The following ECI1 variants were observed in gnomAD, a reference collection of about 807,000 sequenced individuals.
The protein encoded by ECI1 is enoyl-CoA delta isomerase 1, also known as enoyl-CoA delta isomerase 1, mitochondrial.
ECI1 carries 34 observed loss-of-function variants against 34.2 expected under a neutral mutation model. The ratio of observed to expected loss-of-function variants is 1.00; its 90% CI spans 0.76 to 1.33. The LOEUF (loss-of-function observed/expected upper bound fraction) is 1.33. Ranked by LOEUF, ECI1 falls within the 40% of genes most tolerant of loss-of-function variation. ECI1 has a pLI of 0.00. For missense variants in ECI1, 456 were observed against 422.2 expected, an observed-to-expected ratio of 1.08 and a Z score of -0.70; for synonymous variants, 211 against 193.0, an observed-to-expected ratio of 1.09 and a Z score of -0.77.
intron 6 of ECI1, chr16:2,241,787 G>C (rs1260851509): frequency 6.6e-6 from 1 of 151,490 alleles, no homozygotes; most frequent in African/African-American, 2.4e-5. Flanking sequence ...TGCCTCCCAA[G>C]TTCAAGCGAT....
chr16:2,239,535 C>T lies in ECI1; in HGVS notation c.*444G>A. On this transcript the variant is annotated 3_prime_UTR_variant, in exon 7 of 7. Transcript: ENST00000301729. ...CTCTGATTCACTGTGCGCTCTTCAT[C>T]CTGATGAGTAAGGGCAGTGACCAAA... 1 of 270,810 alleles carries T rather than the reference C, an allele frequency of 3.7e-6. No individual in the cohort carries two copies. The highest frequency in any genetic ancestry group is 7.3e-6 in the Non-Finnish European group (1 of 137,492). 16.8% of individuals were successfully genotyped at this position (270,810 alleles called of 1,614,324 possible). A position where few individuals can be genotyped will look rare whatever the true frequency, so the allele number is the denominator to read the frequency against.
Position 2,247,015 on chromosome 16 carries a change from CACACCTGGCACTGG to C in ECI1, c.167-43_167-30del, listed in dbSNP as rs752994056. 5 of 1,609,312 alleles carry C rather than the reference CACACCTGGCACTGG, an allele frequency of 3.1e-6. No individual in the cohort carries two copies. In the South Asian group the frequency reaches 4.4e-5, roughly 14 times the overall value. On this transcript the variant is annotated intron_variant, in intron 2 of 6. Transcript: ENST00000301729. ...ATTTAAAGAATGAGAAGAGAAAGCT[CACACCTGGCACTGG>C]AAAAGCAGCCTGACCAGCCTGCACC...
intron 2 of ECI1, 150 bp from the exon 3 acceptor site, chr16:2,247,136 A>G (rs563166293): frequency 2.9e-6 from 3 of 1,049,128 alleles, no homozygotes; most frequent in South Asian, 3.0e-5. Context: ...TCGCTCTGTC[A>G]CCCAGGCTGG....
intron 2 of ECI1, 119 bp downstream of exon 2, chr16:2,251,197 C>T (rs1466956761): frequency 2.1e-5 from 7 of 334,262 alleles, no homozygotes; most frequent in Admixed American, 5.6e-5. Context: ...TGTTTCGAAA[C>T]TTGGGTTCTA....
intron 2 of ECI1, among the ~76,000 whole-genome samples, chr16:2,248,713 C>T (rs554328736): frequency 9.9e-5 from 15 of 152,192 alleles, no homozygotes; most frequent in Non-Finnish European, 1.8e-4. Flanking sequence ...TGTGCCCAGC[C>T]TAAATTAGCC....
rs562081321 is a variant in ECI1, at chr16:2,247,054, C to G, written c.167-68G>C. The G allele has an allele frequency of 5.6e-5, 87 of 1,567,448 alleles. No individual in the cohort carries two copies. The African/African-American group carries it at 1.1e-3, about 20-fold the overall frequency. ...GAAAAGCAGCCTGACCAGCCTGCAC[C>G]CTCAACTAAGCCATGATAGCTGTGC... On this transcript the variant is annotated intron_variant, in intron 2 of 6. Transcript: ENST00000301729.
chr16:2,240,296 C>G (rs2093525091), intron 6 of ECI1, 151 bp from the exon 7 acceptor site: 2 of 793,120 alleles, frequency 2.5e-6, no homozygotes, highest in African/African-American at 1.7e-5. Context: ...ACTGCAACCT[C>G]CGCCTCCCGA....
intron 1 of ECI1, 37 bp from the exon 2 acceptor site, chr16:2,251,466 G>C (rs992829307): frequency 3.9e-6 from 6 of 1,536,746 alleles, no homozygotes; most frequent in Non-Finnish European, 5.2e-6. Flanking sequence ...TTAGTTCCCG[G>C]TCCTGGCCCC....
chr16:2,244,715 C>T (rs533910308), intron 3 of ECI1, among the ~76,000 whole-genome samples, 163 bp from the exon 4 acceptor site: 16 of 152,310 alleles, frequency 1.1e-4, no homozygotes, highest in East Asian at 5.8e-4. Context: ...TCCAGGGACT[C>T]GGCCAAGGCT....
At chr16:2,242,513 C>G (rs920420463) in intron 6 of ECI1, 1 of 164,452 alleles carries the variant, frequency 6.1e-6, no homozygotes, top group African/African-American at 2.4e-5. Flanking sequence ...AAGTGTGCCC[C>G]AAAAGATAGG....
At position 2,246,888 on chromosome 16, in the gene ECI1, T is replaced by C. The variant is rs577583578; in HGVS notation, c.265A>G (p.Lys89Glu). 2 of 1,613,500 alleles carry C rather than the reference T, an allele frequency of 1.2e-6. No individual in the cohort carries two copies. Among genetic ancestry groups the C allele is most frequent in the South Asian group, 2.2e-5 (2 of 91,048 alleles). The part of the protein sequence containing the change: ...VISLEKLEND[K>E]SFRGVILTSD... ...GTCAGAATGACACCGCGGAAGCTCTTGTCATTCTCCAGCTTCTCCAGGCTG... is the reference window on the plus strand; with the variant it reads ...GTCAGAATGACACCGCGGAAGCTCTCGTCATTCTCCAGCTTCTCCAGGCTG... Residue 89 changes from lysine to glutamate, a missense_variant, in exon 3 of 7, where the codon AAG (lysine) becomes GAG (glutamate). Physicochemically the swap from Lys to Glu is moderately conservative, Grantham distance 56. Coordinates refer to ENST00000301729, the MANE Select transcript of ECI1 (RefSeq NM_001919.4).
intron 3 of ECI1, 50 bp downstream of exon 3, chr16:2,246,809 A>T: frequency 6.2e-7 from 1 of 1,610,690 alleles, no homozygotes; most frequent in Non-Finnish European, 8.5e-7. Context: ...CACATCAGAG[A>T]ACTCAGGCCA....
At position 2,239,898 on chromosome 16, in the gene ECI1, T is replaced by C. The variant is rs1390004090; in HGVS notation, c.*81A>G. 8 of 1,466,096 alleles carry C rather than the reference T, an allele frequency of 5.5e-6. No individual in the cohort carries two copies. The African/African-American group carries it at 5.6e-5, about 10-fold the overall frequency. 90.8% of individuals were successfully genotyped at this position (1,466,096 alleles called of 1,614,324 possible). A position where few individuals can be genotyped will look rare whatever the true frequency, so the allele number is the denominator to read the frequency against. On this transcript the variant is annotated 3_prime_UTR_variant, in exon 7 of 7. Transcript: ENST00000301729. ...CAAAATGAAACGCTGGCAGTACTTT[T>C]AAGTTGAAAAATACCTTGTTTAAGA...
chr16:2,242,588 A>G (rs989141494), intron 6 of ECI1: 11 of 195,506 alleles, frequency 5.6e-5, no homozygotes, highest in Admixed American at 1.6e-4. Context: ...GTCTCTGCAG[A>G]TGTAATTAAG....
chr16:2,245,253 C>T (rs978917493), intron 3 of ECI1, among the ~76,000 whole-genome samples: 11 of 152,316 alleles, frequency 7.2e-5, no homozygotes, highest in South Asian at 2.1e-4. Context: ...GTTTTCCTCC[C>T]GAGGGCCAGA....
At chr16:2,240,173 A>C in intron 6 of ECI1, 28 bp from the exon 7 acceptor site, 1 of 1,611,694 alleles carries the variant, frequency 6.2e-7, no homozygotes, top group Non-Finnish European at 8.5e-7. Flanking sequence ...TGCCACTGAA[A>C]TCCCACTTTC....
chr16:2,243,890 A>G (rs1415950715), intron 4 of ECI1, among the ~76,000 whole-genome samples: 1 of 152,088 alleles, frequency 6.6e-6, no homozygotes, highest in East Asian at 1.9e-4. Flanking sequence ...GCAGGTACCC[A>G]CTGCCCCGCG....
Position 2,243,147 on chromosome 16 carries a change from G to A in ECI1, c.641C>T (p.Pro214Leu), listed in dbSNP as rs138574813. The A allele has an allele frequency of 4.4e-5, 71 of 1,606,744 alleles. No individual in the cohort carries two copies. The highest frequency in any genetic ancestry group is 4.0e-4 in the East Asian group (18 of 44,872). The change falls in exon 6 of 7, where the codon CCG becomes CTG. Residue 214 changes from proline to leucine, a missense_variant. Transcript: ENST00000301729. Reference sequence around the variant, plus strand: ...TATGCCCACCTGCAGGGCCTCCGCCGGCGGGAAGAGCAGCCCCAGCTGCAG... The same window carrying A: ...TATGCCCACCTGCAGGGCCTCCGCCAGCGGGAAGAGCAGCCCCAGCTGCAG... ...RALQLGLLFPPAEALQVGIVD... is the reference protein window; with the variant it reads ...RALQLGLLFPLAEALQVGIVD...
In ECI1 at chr16:2,251,572, C is replaced by T. The variant is rs2093554282; in HGVS notation, c.-6G>A. On this transcript the variant is annotated 5_prime_UTR_variant, in exon 1 of 7. Transcript: ENST00000301729. The stretch of plus-strand genomic sequence containing the variant: ...ACAGAAGCCACCAGCGCCATCTTGA[C>T]CGCAACGCGCGGGATAAAGGTCGCG... 2.6e-6 allele frequency: 4 copies of T among 1,553,960 alleles called. No individual in the cohort carries two copies. Among genetic ancestry groups the T allele is most frequent in the Non-Finnish European group, 3.5e-6 (4 of 1,149,512 alleles).
Sources: gnomAD v4.1 joint callset for allele counts (sites outside exome capture counted in the v4.1 genomes callset) on GRCh38, gnomAD v4.1.1 for gene constraint, MANE v1.5 for transcripts, NCBI Gene and HGNC (gene_info 2026-07-23, HGNC 2026-07-21) for gene names.